Variants in CTNNA2 observed in about 807,000 individuals in gnomAD.
CTNNA2 encodes the protein catenin alpha 2, also known as catenin alpha-2.
Under a neutral mutation model 101.0 loss-of-function variants are expected in CTNNA2, and 42 were observed. The ratio of observed to expected loss-of-function variants is 0.42; its 90% CI spans 0.32 to 0.54. The LOEUF (loss-of-function observed/expected upper bound fraction) is 0.54, where lower values mean the gene tolerates loss of function less well. Ranked by LOEUF, CTNNA2 falls within the 20% of genes least tolerant of loss-of-function variation. The pLI is 0.14. For synonymous variants in CTNNA2, 450 were observed against 456.4 expected (o/e 0.99, Z 0.18); for missense variants, 871 against 1,223.1 (o/e 0.71, Z 4.29).
intron 7 of CTNNA2, among the ~76,000 whole-genome samples, chr2:80,346,902 A>G (rs190820744): frequency 6.6e-6 from 1 of 152,330 alleles, no homozygotes; most frequent in East Asian, 1.9e-4. Context: ...AGAAGTTCTA[A>G]GACAGCAGAA....
chr2:80,214,104 G>A (rs1708093232), intron 7 of CTNNA2, among the ~76,000 whole-genome samples: 1 of 152,064 alleles, frequency 6.6e-6, no homozygotes, highest in Non-Finnish European at 1.5e-5. Flanking sequence ...GAGCCTATGT[G>A]TCTCTGCACA....
intron 2 of CTNNA2, among the ~76,000 whole-genome samples, chr2:79,209,942 T>A: frequency 6.6e-6 from 1 of 151,966 alleles, no homozygotes; most frequent in East Asian, 1.9e-4. Flanking sequence ...GATCAACAGT[T>A]TTCTTGGTAG....
chr2:79,679,624 A>G (rs1195841223), intron 2 of CTNNA2, among the ~76,000 whole-genome samples: 2 of 151,664 alleles, frequency 1.3e-5, no homozygotes, highest in African/African-American at 2.4e-5. Flanking sequence ...ATGGCAGCTG[A>G]CACCGCCCAG....
intron 9 of CTNNA2, among the ~76,000 whole-genome samples, chr2:80,518,677 T>G (rs759417028): frequency 5.3e-5 from 8 of 152,304 alleles, no homozygotes; most frequent in South Asian, 4.1e-4. Context: ...AAAACACACT[T>G]AATGTGTTTT....
chr2:79,931,102 A>G (rs547203400), intron 7 of CTNNA2, among the ~76,000 whole-genome samples: 1 of 152,342 alleles, frequency 6.6e-6, no homozygotes, highest in South Asian at 2.1e-4. Flanking sequence ...TAAACTCTTC[A>G]GTATGCAGAA....
chr2:79,215,378 A>G (rs1674239109), intron 2 of CTNNA2, among the ~76,000 whole-genome samples: 1 of 152,168 alleles, frequency 6.6e-6, no homozygotes. Context: ...GGTTTGTCTC[A>G]CAGTGGAGGC....
chr2:80,426,275 T>G lies in CTNNA2; in HGVS notation c.1290+6674T>G, dbSNP rs79916266. 7.2e-3 allele frequency among the ~76,000 whole-genome samples: 1,101 copies of G among 152,280 alleles called. 9 individuals are homozygous for G. The highest frequency in any genetic ancestry group is 0.025 in the African/African-American group (1,047 of 41,580). Reference sequence around the variant, plus strand: ...AGCAGCAAAGCAGTTCGGTCAGGGCTGGGGTGGAGTGGGTGTAATTTGGGT... The same window carrying G: ...AGCAGCAAAGCAGTTCGGTCAGGGCGGGGGTGGAGTGGGTGTAATTTGGGT... On this transcript the variant is annotated intron_variant, in intron 9 of 18. Transcript: ENST00000402739.
At chr2:79,334,747 A>G (rs1391159886) in intron 3 of CTNNA2, among the ~76,000 whole-genome samples, 2 of 152,142 alleles carry the variant, frequency 1.3e-5, no homozygotes, top group Admixed American at 6.5e-5. Context: ...GCAAGGAGAG[A>G]ACTGATAAGA....
chr2:79,664,000 C>A (rs1558815512), intron 2 of CTNNA2, among the ~76,000 whole-genome samples: 1 of 152,150 alleles, frequency 6.6e-6, no homozygotes, highest in Non-Finnish European at 1.5e-5. Context: ...AAGATGTTGA[C>A]AATCAACAAT....
At chr2:79,743,010 C>T (rs528606765) in intron 2 of CTNNA2, among the ~76,000 whole-genome samples, 5 of 152,206 alleles carry the variant, frequency 3.3e-5, no homozygotes, top group East Asian at 1.9e-4. Flanking sequence ...TTTGAGTCAT[C>T]GCTTTGATTG....
chr2:80,281,775 A>G (rs986704356), intron 7 of CTNNA2, among the ~76,000 whole-genome samples: 2 of 151,926 alleles, frequency 1.3e-5, no homozygotes, highest in African/African-American at 2.4e-5. Flanking sequence ...ATATAATACT[A>G]ATAAGTGAAT....
intron 3 of CTNNA2, 85 bp downstream of exon 3, chr2:79,744,667 C>A: frequency 7.7e-7 from 1 of 1,291,018 alleles, no homozygotes; most frequent in Non-Finnish European, 1.1e-6. Flanking sequence ...TGGATATTTA[C>A]TCAAAGAAGA....
chr2:79,756,435 A>G (rs1672404350), intron 3 of CTNNA2, among the ~76,000 whole-genome samples: 1 of 152,216 alleles, frequency 6.6e-6, no homozygotes, highest in Non-Finnish European at 1.5e-5. Context: ...AACATACATT[A>G]TCTGCTAATA....
At chr2:79,882,591 T>C (rs1186180567) in intron 6 of CTNNA2, among the ~76,000 whole-genome samples, 1 of 152,230 alleles carries the variant, frequency 6.6e-6, no homozygotes, top group Non-Finnish European at 1.5e-5. Context: ...GGCCTGGAGC[T>C]ATAGAAATGG....
At chr2:79,812,636 T>G (rs1677141749) in intron 3 of CTNNA2, among the ~76,000 whole-genome samples, 1 of 152,206 alleles carries the variant, frequency 6.6e-6, no homozygotes, top group South Asian at 2.1e-4. Flanking sequence ...CACATGCATC[T>G]TCGGCTGTTT....
Position 79,909,782 on chromosome 2 carries a change from C to T in CTNNA2, c.1041C>T (p.Ser347=). Residue 347 remains serine, a synonymous_variant, in exon 7 of 19, where the codon AGC becomes AGT. Transcript: ENST00000402739. The part of the protein sequence containing the change: ...AVRQALQDLL[S]EYMNNTGRKE... ...GGCAGGCGCTCCAGGACCTGCTCAG[C>T]GAGTACATGAATAATGTAAGTCTTG... 6.2e-7 allele frequency: 1 copy of T among 1,607,330 alleles called. No individual in the cohort carries two copies. Among genetic ancestry groups the T allele is most frequent in the Non-Finnish European group, 8.5e-7 (1 of 1,175,712 alleles).
intron 2 of CTNNA2, among the ~76,000 whole-genome samples, chr2:79,658,313 T>C (rs949753336): frequency 3.3e-5 from 5 of 151,960 alleles, no homozygotes; most frequent in Admixed American, 3.3e-4. Flanking sequence ...TAATAATTTC[T>C]ACATCATAAC....
chr2:79,212,804 C>A (rs183867953), intron 2 of CTNNA2, among the ~76,000 whole-genome samples: 120 of 152,298 alleles, frequency 7.9e-4, no homozygotes, highest in African/African-American at 2.8e-3. Context: ...GTGAGTAAAG[C>A]TAATTTGCCA....
chr2:80,580,999 CAGTGAGACCCTGTCTCA>C (rs1695488683), intron 13 of CTNNA2, among the ~76,000 whole-genome samples: 2 of 141,108 alleles, frequency 1.4e-5, no homozygotes, highest in Non-Finnish European at 3.1e-5. Context: ...CTGGGCTACA[CAGTGAGACCCTGTCTCA>C]AAACAACAAA....
Sources: allele counts gnomAD v4.1 joint callset (sites outside exome capture counted in the v4.1 genomes callset), GRCh38; gene constraint gnomAD v4.1.1; transcripts MANE v1.5; gene names NCBI Gene and HGNC (gene_info 2026-07-23, HGNC 2026-07-21).